Variants in ME2 observed in about 807,000 individuals in gnomAD.
ME2 encodes malic enzyme 2, also known as NAD-dependent malic enzyme, mitochondrial.
ME2 carries 60 observed loss-of-function variants against 73.7 expected under a neutral mutation model. That is an observed-to-expected ratio of 0.81 (90% confidence interval 0.66 to 1.01). The LOEUF (loss-of-function observed/expected upper bound fraction) is 1.01. Ranked by LOEUF, ME2 falls within the 50% of genes least tolerant of loss-of-function variation. ME2 has a pLI of 0.00. For synonymous variants in ME2, 199 were observed against 236.9 expected (o/e 0.84, Z 1.47); for missense variants, 594 against 705.5 (o/e 0.84, Z 1.79).
At position 50,895,207 on chromosome 18, in the gene ME2, A is replaced by G. The variant is rs1346524222; in HGVS notation, c.-12-602A>G. Among the ~76,000 whole-genome samples, 3 of 151,754 alleles carry G rather than the reference A, an allele frequency of 2.0e-5. No individual in the cohort carries two copies. The East Asian group carries it at 5.8e-4, about 29-fold the overall frequency. Reference sequence around the variant, plus strand: ...CTCTTTAAAAATGTCCATGTTTATGATGGATGCAATTATTTTATACATTAT... The same window carrying G: ...CTCTTTAAAAATGTCCATGTTTATGGTGGATGCAATTATTTTATACATTAT... On this transcript the variant is annotated intron_variant, in intron 1 of 15. Coordinates refer to ENST00000321341, the MANE Select transcript of ME2 (RefSeq NM_002396.5).
chr18:50,939,456 G>T lies in ME2; in HGVS notation c.1418-114G>T, dbSNP rs540638715. 267 of 621,426 alleles carry T rather than the reference G, an allele frequency of 4.3e-4. 2 individuals carry two copies. The African/African-American group carries it at 4.6e-3, about 11-fold the overall frequency. The allele number at this position is 621,426 out of a possible 1,614,324, so 38.5% of individuals were successfully genotyped here. On this transcript the variant is annotated intron_variant, in intron 13 of 15. Coordinates refer to ENST00000321341, the MANE Select transcript of ME2 (RefSeq NM_002396.5). ...TTTCTTCTTGGCTGTTTTCTGTTTG[G>T]GGGGAGCTGTTTGCGATGTGGATGG...
chr18:50,953,793 G>C lies in ME2; in HGVS notation c.*6609G>C, dbSNP rs1284978116. The C allele has an allele frequency of 6.6e-6, 1 of 152,190 alleles. No individual in the cohort carries two copies. The highest frequency in any genetic ancestry group is 2.1e-4 in the South Asian group (1 of 4,836). The allele number at this position is 152,190 out of a possible 1,614,324, so 9.4% of individuals were successfully genotyped here. On this transcript the variant is annotated 3_prime_UTR_variant, in exon 16 of 16. Transcript: ENST00000321341. ...TTAGAAAGTAGTAATATAAAAATGTGTATGAAATAAGAACTTTCTTAAAAG... is the reference window on the plus strand; with the variant it reads ...TTAGAAAGTAGTAATATAAAAATGTCTATGAAATAAGAACTTTCTTAAAAG...
rs568903785 is a variant in ME2 at position 50,884,069 on chromosome 18, T to C, written c.-13+4761T>C. Among the ~76,000 whole-genome samples, 5 of 152,200 alleles carry C rather than the reference T, an allele frequency of 3.3e-5. No homozygotes were observed. The East Asian group carries it at 9.6e-4, about 29-fold the overall frequency. On this transcript the variant is annotated intron_variant, in intron 1 of 15. Transcript: ENST00000321341. ...CAGATATTAAGCCCACCTGTCTGTTTCTGTCTGTAAGTGTTCTAAGTTCCA... is the reference window on the plus strand; with the variant it reads ...CAGATATTAAGCCCACCTGTCTGTTCCTGTCTGTAAGTGTTCTAAGTTCCA...
At chr18:50,931,597 T>C (rs1917691018) in intron 12 of ME2, among the ~76,000 whole-genome samples, 1 of 152,212 alleles carries the variant, frequency 6.6e-6, no homozygotes, top group Admixed American at 6.5e-5. Context: ...TTCCCCTTCA[T>C]TCATCAGTGT....
At position 50,950,828 on chromosome 18, in the gene ME2, T is replaced by C. The variant is rs906285782; in HGVS notation, c.*3644T>C. ...CTGACAAGCTCCCAGGTGATGCCTA[T>C]GCTGCTGGTACAGTGAACAACATGC... On this transcript the variant is annotated 3_prime_UTR_variant, in exon 16 of 16. Transcript: ENST00000321341. 1 of 152,266 alleles carries C rather than the reference T, an allele frequency of 6.6e-6. No individual in the cohort carries two copies. Among genetic ancestry groups the C allele is most frequent in the African/African-American group, 2.4e-5 (1 of 41,436 alleles). 9.4% of individuals were successfully genotyped at this position (152,266 alleles called of 1,614,324 possible).
intron 2 of ME2, among the ~76,000 whole-genome samples, chr18:50,900,887 A>G (rs1192891230): frequency 1.3e-5 from 2 of 152,168 alleles, no homozygotes; most frequent in Admixed American, 6.5e-5. Context: ...CTCCCCAGCC[A>G]TGTGGAACTG....
chr18:50,950,902 G>A lies in ME2; in HGVS notation c.*3718G>A, dbSNP rs1012741043. On this transcript the variant is annotated 3_prime_UTR_variant, in exon 16 of 16. Coordinates refer to ENST00000321341, the MANE Select transcript of ME2 (RefSeq NM_002396.5). The stretch of plus-strand genomic sequence containing the variant: ...TGCATGTAGTGAGCAGTTCTTTAGC[G>A]TTTATGTGTCATATACTTCAAGTTA... 1.3e-5 allele frequency: 2 copies of A among 152,096 alleles called. No homozygotes were observed. Among genetic ancestry groups the A allele is most frequent in the African/African-American group, 4.8e-5 (2 of 41,394 alleles). 9.4% of individuals were successfully genotyped at this position (152,096 alleles called of 1,614,324 possible).
At chr18:50,911,388 T>G (rs1320941454) in intron 3 of ME2, among the ~76,000 whole-genome samples, 2 of 152,228 alleles carry the variant, frequency 1.3e-5, no homozygotes, top group Admixed American at 6.5e-5. Flanking sequence ...ACCAGTTATA[T>G]GCCACATATT....
At chr18:50,944,821 C>G (rs989470673) in intron 15 of ME2, among the ~76,000 whole-genome samples, 2 of 151,902 alleles carry the variant, frequency 1.3e-5, no homozygotes, top group African/African-American at 4.8e-5. Flanking sequence ...GCCGCCTTCT[C>G]TCCTTCATTC....
intron 7 of ME2, among the ~76,000 whole-genome samples, chr18:50,919,838 G>A (rs1473233088): frequency 2.0e-5 from 3 of 150,446 alleles, no homozygotes; most frequent in African/African-American, 7.3e-5. Flanking sequence ...CCCTTATTTG[G>A]TTCCAACCTG....
rs1918231115 is a variant in ME2 at position 50,951,832 on chromosome 18, A to C, written c.*4648A>C. ...CAGTGAGCTGAGATCGCACCGCTGCACTCCAGCCTGGGCGACAGAGTGAGC... is the reference window on the plus strand; with the variant it reads ...CAGTGAGCTGAGATCGCACCGCTGCCCTCCAGCCTGGGCGACAGAGTGAGC... On this transcript the variant is annotated 3_prime_UTR_variant, in exon 16 of 16. Transcript: ENST00000321341. 8.2e-6 allele frequency: 1 copy of C among 122,062 alleles called. No homozygotes were observed. The highest frequency in any genetic ancestry group is 3.2e-5 in the African/African-American group (1 of 31,332). The allele number at this position is 122,062 out of a possible 1,614,324, so 7.6% of individuals were successfully genotyped here. A position where few individuals can be genotyped will look rare whatever the true frequency, so the allele number is the denominator to read the frequency against.
chr18:50,912,782 T>G lies in ME2; in HGVS notation c.243-19T>G, dbSNP rs774314510. 1.3e-6 allele frequency: 2 copies of G among 1,540,728 alleles called. No homozygotes were observed. Among genetic ancestry groups the G allele is most frequent in the East Asian group, 2.3e-5 (1 of 43,172 alleles). On this transcript the variant is annotated intron_variant, in intron 3 of 15. Transcript: ENST00000321341. ...TAATGCAGGCTGACTTAGACATTATTTACTGTGCTTCATTTCAGATATATC... is the reference window on the plus strand; with the variant it reads ...TAATGCAGGCTGACTTAGACATTATGTACTGTGCTTCATTTCAGATATATC...
At chr18:50,925,982 A>G (rs1917543042) in intron 12 of ME2, 84 bp downstream of exon 12, 1 of 988,346 alleles carries the variant, frequency 1.0e-6, no homozygotes, top group Non-Finnish European at 1.5e-6. Flanking sequence ...CATTGTTCTA[A>G]TGGTTTCCCT....
intron 1 of ME2, among the ~76,000 whole-genome samples, chr18:50,892,106 C>A (rs1304860946): frequency 6.6e-6 from 1 of 152,064 alleles, no homozygotes; most frequent in East Asian, 1.9e-4. Flanking sequence ...CAGGGGTGAG[C>A]CACTGCACCC....
intron 2 of ME2, among the ~76,000 whole-genome samples, chr18:50,898,070 T>C (rs919596534): frequency 6.6e-6 from 1 of 152,160 alleles, no homozygotes; most frequent in Non-Finnish European, 1.5e-5. Context: ...GAACTTACCA[T>C]GTAAAGAAAT....
intron 3 of ME2, among the ~76,000 whole-genome samples, chr18:50,910,583 G>T (rs1917132340): frequency 6.6e-6 from 1 of 152,154 alleles, no homozygotes; most frequent in Non-Finnish European, 1.5e-5. Flanking sequence ...AAAATGAAAT[G>T]TAACACTGAT....
intron 1 of ME2, among the ~76,000 whole-genome samples, chr18:50,889,278 A>G (rs1916552381): frequency 6.6e-6 from 1 of 152,198 alleles, no homozygotes; most frequent in Non-Finnish European, 1.5e-5. Flanking sequence ...CACTAGAAAG[A>G]CCAAGTGATT....
intron 15 of ME2, chr18:50,945,374 C>T (rs1918060206): frequency 6.6e-6 from 1 of 152,240 alleles, no homozygotes; most frequent in African/African-American, 2.4e-5. Context: ...CCTGCCTCAG[C>T]CTCCCAAAGT....
chr18:50,932,943 C>G (rs1184773070), intron 13 of ME2: 1 of 152,254 alleles, frequency 6.6e-6, no homozygotes, highest in African/African-American at 2.4e-5. Context: ...CCACCACGCC[C>G]AGCCAGGTGT....
Sources: allele counts gnomAD v4.1 joint callset (sites outside exome capture counted in the v4.1 genomes callset), GRCh38; gene constraint gnomAD v4.1.1; transcripts MANE v1.5; gene names NCBI Gene and HGNC (gene_info 2026-07-23, HGNC 2026-07-21).